BOLL: variants seen among roughly 807,000 people sequenced by gnomAD.
BOLL encodes boule RNA binding protein, also known as protein boule-like.
A neutral mutation model predicts 44.4 loss-of-function variants in BOLL; 23 were observed. The ratio of observed to expected loss-of-function variants is 0.52; its 90% CI spans 0.37 to 0.73. The LOEUF (loss-of-function observed/expected upper bound fraction) is 0.73, where lower values mean the gene tolerates loss of function less well. Ranked by LOEUF, BOLL falls within the 30% of genes least tolerant of loss-of-function variation. BOLL has a pLI of 0.00. For missense variants in BOLL, 287 were observed against 338.3 expected (o/e 0.85, Z 1.19); for synonymous variants, 97 against 110.8 (o/e 0.88, Z 0.78).
intron 9 of BOLL, among the ~76,000 whole-genome samples, chr2:197,749,888 C>T (rs1065953): frequency 0.49 from 75,093 of 151,706 alleles, 19,229 homozygotes; most frequent in African/African-American, 0.6. Flanking sequence ...ACAGAGACCA[C>T]CAGAAAGATA....
At chr2:197,753,445 A>G (rs552048681) in intron 9 of BOLL, among the ~76,000 whole-genome samples, 1 of 152,354 alleles carries the variant, frequency 6.6e-6, no homozygotes, top group Admixed American at 6.5e-5. Flanking sequence ...ATTTACAAGA[A>G]AAAAACAATC....
Position 197,768,851 on chromosome 2 carries a change from T to C in BOLL, c.481-2248A>G, listed in dbSNP as rs1192812252. On this transcript the variant is annotated intron_variant, in intron 6 of 10. Transcript: ENST00000392296. Reference sequence around the variant, plus strand: ...ATACGTTCCATCAATACCTAGTTTATTGAGAGTTTTTAGCATGAAGGGCTG... The same window carrying C: ...ATACGTTCCATCAATACCTAGTTTACTGAGAGTTTTTAGCATGAAGGGCTG... Among the ~76,000 whole-genome samples the C allele has an allele frequency of 4.0e-5, 6 of 150,130 alleles. No homozygotes were observed. In the South Asian group the frequency reaches 6.4e-4, roughly 16 times the overall value.
intron 9 of BOLL, among the ~76,000 whole-genome samples, chr2:197,754,950 G>C (rs913060350): frequency 6.6e-6 from 1 of 152,102 alleles, no homozygotes; most frequent in African/African-American, 2.4e-5. Flanking sequence ...TATCATCAGA[G>C]TCAACAGACA....
chr2:197,743,130 T>C lies in BOLL; in HGVS notation c.759A>G (p.Thr253=), dbSNP rs371047737. 10 of 1,604,554 alleles carry C rather than the reference T, an allele frequency of 6.2e-6. No homozygotes were observed. The African/African-American group carries it at 1.1e-4, about 17-fold the overall frequency. The change falls in exon 10 of 11, where the codon ACA becomes ACG. Residue 253 remains threonine, a synonymous_variant. Transcript: ENST00000392296. ...CACTTGGAGCATAAACCTGGTGATA[T>C]GTTGCTTGAACTCCATGATCAGAAT... The part of the protein sequence containing the change: ...EPYSDHGVQA[T]YHQVYAPSAI...
intron 10 of BOLL, among the ~76,000 whole-genome samples, chr2:197,731,123 A>G (rs982780594): frequency 9.9e-5 from 15 of 152,186 alleles, no homozygotes; most frequent in African/African-American, 2.7e-4. Flanking sequence ...AGGAAGACCT[A>G]CCAAGCCAAT....
chr2:197,729,586 G>C lies in BOLL; in HGVS notation c.829-1008C>G, dbSNP rs187597619. On this transcript the variant is annotated intron_variant, in intron 10 of 10. Transcript: ENST00000392296. ...CTGTCTGACAGCTTTGAAGAGAGCA[G>C]TGGTTTTCCCAGCATGCAGCTGGAG... 6.1e-3 allele frequency among the ~76,000 whole-genome samples: 925 copies of C among 152,324 alleles called. 16 individuals carry two copies. Among genetic ancestry groups the C allele is most frequent in the African/African-American group, 0.021 (864 of 41,544 alleles).
At chr2:197,758,150 A>G (rs1381980930) in intron 7 of BOLL, among the ~76,000 whole-genome samples, 1 of 152,238 alleles carries the variant, frequency 6.6e-6, no homozygotes, top group Non-Finnish European at 1.5e-5. Context: ...CACTCTAGTT[A>G]TAAAACCTAA....
chr2:197,749,870 T>G (rs1688156857), intron 9 of BOLL, among the ~76,000 whole-genome samples: 1 of 151,900 alleles, frequency 6.6e-6, no homozygotes, highest in Non-Finnish European at 1.5e-5. Flanking sequence ...CATTCAAATT[T>G]AGAAAATACA....
chr2:197,733,592 T>G (rs938347446), intron 10 of BOLL, among the ~76,000 whole-genome samples: 5 of 152,138 alleles, frequency 3.3e-5, no homozygotes, highest in Admixed American at 3.3e-4. Context: ...CAAAACAGCA[T>G]GGTACTGGTA....
chr2:197,742,387 C>T (rs1246924653), intron 10 of BOLL, among the ~76,000 whole-genome samples: 2 of 152,164 alleles, frequency 1.3e-5, no homozygotes, highest in Non-Finnish European at 2.9e-5. Flanking sequence ...CGGCACTATT[C>T]ACAATAGCAA....
chr2:197,736,437 A>G (rs1369091838), intron 10 of BOLL, among the ~76,000 whole-genome samples: 1 of 152,032 alleles, frequency 6.6e-6, no homozygotes, highest in Non-Finnish European at 1.5e-5. Flanking sequence ...AAAAATGGTG[A>G]AGTTTGTAGT....
At chr2:197,747,415 C>G (rs1216459233) in intron 9 of BOLL, among the ~76,000 whole-genome samples, 1 of 151,770 alleles carries the variant, frequency 6.6e-6, no homozygotes, top group African/African-American at 2.4e-5. Context: ...AACCCCGTCT[C>G]TACTAAAAAT....
chr2:197,784,391 CATATATATATATATATATATATATAT>C (rs60865376), intron 1 of BOLL, among the ~76,000 whole-genome samples: 7,994 of 55,026 alleles, frequency 0.15, 681 homozygotes, highest in East Asian at 0.37. Flanking sequence ...CAGTCTAATA[CATATATATATATATATATATATATAT>C]ATATATATAT....
Position 197,779,005 on chromosome 2 carries a change from A to G in BOLL, c.191T>C (p.Ile64Thr). The G allele has an allele frequency of 1.2e-6, 2 of 1,611,714 alleles. No homozygotes were observed. The highest frequency in any genetic ancestry group is 1.7e-6 in the Non-Finnish European group (2 of 1,178,550). Residue 64 changes from isoleucine to threonine, a missense_variant, in exon 3 of 11, where the codon ATT becomes ACT. Physicochemically the swap from Ile to Thr is moderately conservative, Grantham distance 89. Coordinates refer to ENST00000392296, the MANE Select transcript of BOLL (RefSeq NM_033030.6). ...GGATACTCCAGCTCTGTCATTTACA[A>G]TCTTCACTTCTTTCACAGACCCATA... ...SQYGSVKEVK[I>T]VNDRAGVSKG... is the part of the protein sequence containing the mutation.
chr2:197,761,576 A>T (rs1166411671), intron 7 of BOLL, among the ~76,000 whole-genome samples: 1 of 152,230 alleles, frequency 6.6e-6, no homozygotes, highest in Non-Finnish European at 1.5e-5. Context: ...AAAATGATAA[A>T]TAAAATGACA....
At chr2:197,776,727 G>C (rs1384333379) in intron 4 of BOLL, among the ~76,000 whole-genome samples, 2 of 151,800 alleles carry the variant, frequency 1.3e-5, no homozygotes, top group South Asian at 4.1e-4. Flanking sequence ...TTTTTCACAG[G>C]AGGGAAATCA....
chr2:197,766,939 G>A (rs1417383224), intron 6 of BOLL, among the ~76,000 whole-genome samples: 1 of 151,958 alleles, frequency 6.6e-6, no homozygotes, highest in African/African-American at 2.4e-5. Context: ...GGGTGACGCT[G>A]CCTGTTTCCA....
At chr2:197,768,380 A>G (rs1366891265) in intron 6 of BOLL, among the ~76,000 whole-genome samples, 2 of 152,010 alleles carry the variant, frequency 1.3e-5, no homozygotes, top group Non-Finnish European at 2.9e-5. Context: ...AACTGAATTA[A>G]AAAATTTATA....
rs1352913679 is a variant in BOLL at position 197,785,044 on chromosome 2, G to C, written c.-16+12C>G. 1.0e-6 allele frequency: 1 copy of C among 985,978 alleles called. No homozygotes were observed. Among genetic ancestry groups the C allele is most frequent in the Non-Finnish European group, 1.2e-6 (1 of 829,940 alleles). The allele number at this position is 985,978 out of a possible 1,614,324, so 61.1% of individuals were successfully genotyped here. On this transcript the variant is annotated intron_variant, in intron 1 of 10. Coordinates refer to ENST00000392296, the MANE Select transcript of BOLL (RefSeq NM_033030.6). The surrounding 1 kb of genome is among the most constrained non-coding windows in gnomAD (Gnocchi z 6.7). Reference sequence around the variant, plus strand: ...TTTTGCAAACGAAGACAGCAGGAACGGGCGGGCTAACCGTCGCAGTCACTG... The same window carrying C: ...TTTTGCAAACGAAGACAGCAGGAACCGGCGGGCTAACCGTCGCAGTCACTG...
Sources: gnomAD v4.1 joint callset for allele counts (sites outside exome capture counted in the v4.1 genomes callset) on GRCh38, gnomAD v4.1.1 for gene constraint, Gnocchi (gnomAD v3.1) non-coding constraint, MANE v1.5 for transcripts, NCBI Gene and HGNC (gene_info 2026-07-23, HGNC 2026-07-21) for gene names.